The following RAB22A variants were observed in gnomAD, a reference collection of about 807,000 sequenced individuals.
The protein encoded by RAB22A is RAB22A, member RAS oncogene family, also known as ras-related protein Rab-22A.
Under a neutral mutation model 30.2 loss-of-function variants are expected in RAB22A, and 13 were observed. The ratio of observed to expected loss-of-function variants is 0.43; its 90% CI spans 0.28 to 0.68. RAB22A has a LOEUF of 0.68. Among genes scored for constraint, RAB22A ranks in the 30% least tolerant of loss-of-function variants. The pLI is 0.18. For missense variants in RAB22A, 177 were observed against 246.8 expected (o/e 0.72, Z 1.89); for synonymous variants, 89 against 87.2 (o/e 1.02, Z -0.11).
chr20:58,329,908 C>T (rs951674038), intron 2 of RAB22A, among the ~76,000 whole-genome samples: 3 of 152,208 alleles, frequency 2.0e-5, no homozygotes, highest in Admixed American at 1.3e-4. Context: ...ATGGGTTTCA[C>T]ATCCAGGGGT....
At chr20:58,337,171 T>C (rs1986771431) in intron 2 of RAB22A, among the ~76,000 whole-genome samples, 1 of 152,190 alleles carries the variant, frequency 6.6e-6, no homozygotes, top group Non-Finnish European at 1.5e-5. Context: ...AAGTCCAAAG[T>C]CAGTTCACAA....
At chr20:58,355,582 G>A (rs959088174) in intron 6 of RAB22A, among the ~76,000 whole-genome samples, 1 of 152,084 alleles carries the variant, frequency 6.6e-6, no homozygotes, top group African/African-American at 2.4e-5. Context: ...CTACTCCAGA[G>A]GCTGAGGCAG....
In RAB22A at chr20:58,362,889, T is replaced by G. The variant is rs1317334993; in HGVS notation, c.*3186T>G. The G allele has an allele frequency of 6.6e-6, 1 of 152,226 alleles. No homozygotes were observed. The highest frequency in any genetic ancestry group is 1.5e-5 in the Non-Finnish European group (1 of 68,050). The allele number at this position is 152,226 out of a possible 1,614,324, so 9.4% of individuals were successfully genotyped here. ...GTGTGAGAGGCTTGAGCGCCTCCTC[T>G]ATGTGGGCTGGTGTCCTTCTTGAAG... On this transcript the variant is annotated 3_prime_UTR_variant, in exon 7 of 7. Coordinates refer to ENST00000244040, the MANE Select transcript of RAB22A (RefSeq NM_020673.3).
chr20:58,359,540 T>A, intron 6 of RAB22A, 66 bp from the exon 7 acceptor site: 5 of 1,024,618 alleles, frequency 4.9e-6, no homozygotes, highest in Non-Finnish European at 5.6e-6. Context: ...TCAAATTGCA[T>A]CTGCAAAATT....
At chr20:58,336,700 T>C (rs1197735252) in intron 2 of RAB22A, among the ~76,000 whole-genome samples, 1 of 152,188 alleles carries the variant, frequency 6.6e-6, no homozygotes, top group Non-Finnish European at 1.5e-5. Flanking sequence ...TTTTAAAATA[T>C]TTTTAGAATA....
intron 2 of RAB22A, among the ~76,000 whole-genome samples, chr20:58,313,683 T>C (rs1032555358): frequency 4.6e-5 from 7 of 152,206 alleles, no homozygotes; most frequent in African/African-American, 1.7e-4. Context: ...AATGGCCTTT[T>C]CTTGGTAGTT....
chr20:58,335,968 G>A (rs182817969), intron 2 of RAB22A, among the ~76,000 whole-genome samples: 42 of 152,078 alleles, frequency 2.8e-4, no homozygotes, highest in African/African-American at 9.2e-4. Flanking sequence ...TCCATGGGCC[G>A]CTTAGCTTGC....
At chr20:58,342,984 TA>T (rs1446871331) in intron 2 of RAB22A, among the ~76,000 whole-genome samples, 2 of 152,070 alleles carry the variant, frequency 1.3e-5, no homozygotes, top group African/African-American at 4.8e-5. Flanking sequence ...ACCCCCAAAA[TA>T]ATAGGAACCC....
chr20:58,320,972 A>G (rs1986445408), intron 2 of RAB22A, among the ~76,000 whole-genome samples: 1 of 151,826 alleles, frequency 6.6e-6, no homozygotes, highest in Admixed American at 6.6e-5. Flanking sequence ...CGGGTAGATC[A>G]TGGGGTCAAC....
At chr20:58,322,865 A>G (rs962799267) in intron 2 of RAB22A, among the ~76,000 whole-genome samples, 10 of 151,926 alleles carry the variant, frequency 6.6e-5, no homozygotes, top group African/African-American at 1.7e-4. Flanking sequence ...CACGATTTCT[A>G]ATTTTTTTTC....
chr20:58,346,208 G>A (rs1422342057), intron 3 of RAB22A, among the ~76,000 whole-genome samples: 7 of 152,166 alleles, frequency 4.6e-5, no homozygotes, highest in Non-Finnish European at 1.5e-5. Flanking sequence ...CTTTTCGTGG[G>A]TCCCCTGCTT....
At chr20:58,331,593 T>G (rs944863527) in intron 2 of RAB22A, among the ~76,000 whole-genome samples, 5 of 152,230 alleles carry the variant, frequency 3.3e-5, no homozygotes, top group Non-Finnish European at 7.3e-5. Flanking sequence ...TGACTAAATA[T>G]AAACCACAAA....
intron 5 of RAB22A, among the ~76,000 whole-genome samples, 188 bp from the exon 6 acceptor site, chr20:58,353,968 G>A (rs929932491): frequency 1.4e-4 from 21 of 152,132 alleles, no homozygotes; most frequent in Non-Finnish European, 2.4e-4. Context: ...TAGTGGTACC[G>A]AGTTTTGTTT....
intron 3 of RAB22A, among the ~76,000 whole-genome samples, chr20:58,351,211 C>T (rs987495525): frequency 1.2e-4 from 18 of 151,982 alleles, no homozygotes; most frequent in Admixed American, 3.3e-4. Context: ...GTGGCACTTA[C>T]TGTAATCCCA....
In RAB22A at chr20:58,360,178, T is replaced by G. The variant is rs1337040769; in HGVS notation, c.*475T>G. On this transcript the variant is annotated 3_prime_UTR_variant, in exon 7 of 7. Coordinates refer to ENST00000244040, the MANE Select transcript of RAB22A (RefSeq NM_020673.3). ...ATAGTTTAAGTGTAGGGAGGACAAT[T>G]ATTGTCTGAAGCTAAAATGGGTTAT... The G allele has an allele frequency of 6.5e-6, 1 of 152,708 alleles. No homozygotes were observed. Among genetic ancestry groups the G allele is most frequent in the Non-Finnish European group, 1.5e-5 (1 of 68,102 alleles). 9.5% of individuals were successfully genotyped at this position (152,708 alleles called of 1,614,324 possible).
intron 2 of RAB22A, among the ~76,000 whole-genome samples, chr20:58,331,063 A>G (rs1986653325): frequency 6.6e-6 from 1 of 151,994 alleles, no homozygotes; most frequent in Non-Finnish European, 1.5e-5. Context: ...TTGATTTTTT[A>G]TCACTTTCTT....
At position 58,364,694 on chromosome 20, in the gene RAB22A, A is replaced by G. The variant is rs1370439281; in HGVS notation, c.*4991A>G. On this transcript the variant is annotated 3_prime_UTR_variant, in exon 7 of 7. Transcript: ENST00000244040. Reference sequence around the variant, plus strand: ...AAGAATTCAAGTATCAAGGCCTATCAGCCAATTAAAAGCCGTAAGATAGTA... The same window carrying G: ...AAGAATTCAAGTATCAAGGCCTATCGGCCAATTAAAAGCCGTAAGATAGTA... The G allele has an allele frequency of 1.3e-5, 2 of 152,036 alleles. No individual in the cohort carries two copies. Among genetic ancestry groups the G allele is most frequent in the Non-Finnish European group, 2.9e-5 (2 of 68,018 alleles). 9.4% of individuals were successfully genotyped at this position (152,036 alleles called of 1,614,324 possible). A position where few individuals can be genotyped will look rare whatever the true frequency, so the allele number is the denominator to read the frequency against.
chr20:58,314,331 C>G (rs1438269945), intron 2 of RAB22A, among the ~76,000 whole-genome samples: 2 of 152,070 alleles, frequency 1.3e-5, no homozygotes, highest in Non-Finnish European at 2.9e-5. Flanking sequence ...TCCCAAAATG[C>G]TGGGATTACA....
intron 2 of RAB22A, among the ~76,000 whole-genome samples, chr20:58,324,332 T>C (rs1427907414): frequency 3.9e-5 from 6 of 152,156 alleles, no homozygotes. Context: ...TTTTGACTCT[T>C]TCATATACGT....
Sources: gnomAD v4.1 joint callset for allele counts (sites outside exome capture counted in the v4.1 genomes callset) on GRCh38, gnomAD v4.1.1 for gene constraint, MANE v1.5 for transcripts, NCBI Gene and HGNC (gene_info 2026-07-23, HGNC 2026-07-21) for gene names.